ZDHHC13: variants seen among roughly 807,000 people sequenced by gnomAD.
The protein encoded by ZDHHC13 is palmitoyltransferase ZDHHC13.
Under a neutral mutation model 86.0 loss-of-function variants are expected in ZDHHC13, and 85 were observed. The ratio of observed to expected loss-of-function variants is 0.99; its 90% CI spans 0.83 to 1.18. The LOEUF (loss-of-function observed/expected upper bound fraction) is 1.18. Ranked by LOEUF, ZDHHC13 falls within the 50% of genes most tolerant of loss-of-function variation. The pLI is 0.00. For synonymous variants in ZDHHC13, 263 were observed against 246.4 expected (o/e 1.07, Z -0.63); for missense variants, 711 against 730.2 (o/e 0.97, Z 0.30).
chr11:19,136,842 T>G (rs933196626), intron 1 of ZDHHC13, among the ~76,000 whole-genome samples: 3 of 151,538 alleles, frequency 2.0e-5, no homozygotes, highest in African/African-American at 7.3e-5. Flanking sequence ...GAAGGAGAAA[T>G]AAAATACTTT....
intron 1 of ZDHHC13, among the ~76,000 whole-genome samples, chr11:19,127,332 A>G (rs1848899434): frequency 6.6e-6 from 1 of 152,062 alleles, no homozygotes; most frequent in South Asian, 2.1e-4. Flanking sequence ...TAAGTTCCTT[A>G]TAGATGCTGG....
chr11:19,152,459 A>C (rs1482107445), intron 7 of ZDHHC13, 100 bp from the exon 8 acceptor site: 8 of 1,450,754 alleles, frequency 5.5e-6, no homozygotes, highest in Admixed American at 2.6e-5. Context: ...TATCCTTGGA[A>C]TAATGTGTTG....
chr11:19,163,449 T>C, intron 11 of ZDHHC13, 22 bp downstream of exon 11: 1 of 1,565,398 alleles, frequency 6.4e-7, no homozygotes, highest in Non-Finnish European at 8.6e-7. Flanking sequence ...TCGTTACTGA[T>C]ATTTTTAATA....
At chr11:19,132,536 T>C (rs1337816277) in intron 1 of ZDHHC13, among the ~76,000 whole-genome samples, 1 of 152,234 alleles carries the variant, frequency 6.6e-6, no homozygotes, top group East Asian at 1.9e-4. Context: ...AAAGACTCAG[T>C]GGGCCTCCTG....
At chr11:19,162,014 G>A (rs1023030321) in intron 10 of ZDHHC13, among the ~76,000 whole-genome samples, 16 of 152,154 alleles carry the variant, frequency 1.1e-4, no homozygotes, top group African/African-American at 3.9e-4. Context: ...ACAAATGGGA[G>A]CATGAACAGA....
chr11:19,143,737 T>A (rs921618846), intron 2 of ZDHHC13, among the ~76,000 whole-genome samples: 4 of 152,242 alleles, frequency 2.6e-5, no homozygotes, highest in African/African-American at 9.6e-5. Context: ...AAGATCTCCA[T>A]ATGTGGGTAT....
intron 1 of ZDHHC13, among the ~76,000 whole-genome samples, chr11:19,119,145 T>A (rs897074197): frequency 2.0e-5 from 3 of 152,104 alleles, no homozygotes; most frequent in Non-Finnish European, 4.4e-5. Flanking sequence ...AGAGTCTTGC[T>A]CTGTTGCCAG....
chr11:19,170,205 T>C (rs935962388), intron 14 of ZDHHC13: 3 of 1,396,652 alleles, frequency 2.1e-6, no homozygotes, highest in Admixed American at 3.5e-5. Flanking sequence ...TACAGTGTTA[T>C]CATAGCCTCA....
rs3740964 is a variant in ZDHHC13 at position 19,117,444 on chromosome 11, G to C, written c.27+168G>C. ...AACACCACGAACGATGCTGGAAATT[G>C]TCTCTGAGGCGACTGGGAAGAAAAG... On this transcript the variant is annotated intron_variant, in intron 1 of 16. Coordinates refer to ENST00000446113, the MANE Select transcript of ZDHHC13 (RefSeq NM_019028.3). This position sits in a 1 kb window ranked among gnomAD's most constrained non-coding sequence, Gnocchi z 4.2. Among the ~76,000 whole-genome samples, 6,296 of 152,268 alleles carry C rather than the reference G, an allele frequency of 0.041. 202 individuals carry two copies. The highest frequency in any genetic ancestry group is 0.13 in the East Asian group (662 of 5,154).
At chr11:19,139,756 C>T (rs1352787832) in intron 1 of ZDHHC13, among the ~76,000 whole-genome samples, 51 of 136,162 alleles carry the variant, frequency 3.7e-4, no homozygotes, top group Admixed American at 1.5e-3. Context: ...TCAGAAATAA[C>T]GCCGCATATC....
intron 13 of ZDHHC13, 108 bp downstream of exon 13, chr11:19,165,253 G>A (rs572935926): frequency 2.0e-6 from 2 of 991,598 alleles, no homozygotes; most frequent in Admixed American, 4.4e-5. Context: ...CAATATTCTA[G>A]TATTCCAATA....
chr11:19,119,800 C>G (rs1216766340), intron 1 of ZDHHC13, among the ~76,000 whole-genome samples: 1 of 152,192 alleles, frequency 6.6e-6, no homozygotes, highest in Admixed American at 6.5e-5. Flanking sequence ...CAATGCCTAG[C>G]ACTGGTGAGT....
intron 1 of ZDHHC13, among the ~76,000 whole-genome samples, chr11:19,137,010 A>G (rs1337381275): frequency 2.6e-5 from 4 of 152,186 alleles, no homozygotes; most frequent in African/African-American, 7.2e-5. Context: ...TGCATGAACT[A>G]ACGAGCAAAA....
intron 1 of ZDHHC13, among the ~76,000 whole-genome samples, chr11:19,126,342 CT>C (rs10629803): frequency 2.8e-4 from 38 of 135,556 alleles, no homozygotes; most frequent in African/African-American, 3.6e-4. Context: ...TTTTCTTTTT[CT>C]TTTTTTTTTT....
At chr11:19,162,921 A>G (rs1176757426) in intron 10 of ZDHHC13, among the ~76,000 whole-genome samples, 1 of 152,138 alleles carries the variant, frequency 6.6e-6, no homozygotes, top group Non-Finnish European at 1.5e-5. Flanking sequence ...GAATCTCTGA[A>G]TCAAGAGGGT....
intron 11 of ZDHHC13, among the ~76,000 whole-genome samples, chr11:19,163,682 C>T (rs1202900500): frequency 6.6e-6 from 1 of 152,056 alleles, no homozygotes; most frequent in Non-Finnish European, 1.5e-5. Flanking sequence ...AATATGATCT[C>T]CTACTTCCTT....
intron 1 of ZDHHC13, among the ~76,000 whole-genome samples, chr11:19,120,064 A>G (rs1046944126): frequency 2.6e-5 from 4 of 152,212 alleles, no homozygotes; most frequent in African/African-American, 9.7e-5. Context: ...CTTATATACA[A>G]TTTAGAAAAA....
chr11:19,176,209 T>C lies in ZDHHC13; in HGVS notation c.*249T>C. 4 of 324,362 alleles carry C rather than the reference T, an allele frequency of 1.2e-5. No homozygotes were observed. The highest frequency in any genetic ancestry group is 2.2e-5 in the Non-Finnish European group (4 of 182,474). 20.1% of individuals were successfully genotyped at this position (324,362 alleles called of 1,614,324 possible). On this transcript the variant is annotated 3_prime_UTR_variant, in exon 17 of 17. Transcript: ENST00000446113. ...CATATTTTTCACAAGAAAATGCAAG[T>C]TACTTTTTTTGGAAATAATACTCAC...
In ZDHHC13 at chr11:19,125,659, G is replaced by A. The variant is rs148498509; in HGVS notation, c.27+8383G>A. On this transcript the variant is annotated intron_variant, in intron 1 of 16. Transcript: ENST00000446113. ...GTCCACGAATATTTTTAGCAGCTCT[G>A]TTTATGATTGCCAAAAGCTGGAAAA... Among the ~76,000 whole-genome samples the A allele has an allele frequency of 2.9e-3, 438 of 152,286 alleles. 1 individual carries two copies. Among genetic ancestry groups the A allele is most frequent in the African/African-American group, 0.01 (427 of 41,562 alleles).
Sources: gnomAD v4.1 joint callset for allele counts (sites outside exome capture counted in the v4.1 genomes callset) on GRCh38, gnomAD v4.1.1 for gene constraint, Gnocchi (gnomAD v3.1) non-coding constraint, MANE v1.5 for transcripts, NCBI Gene and HGNC (gene_info 2026-07-23, HGNC 2026-07-21) for gene names.